The following GPR155 variants were observed in gnomAD, a reference collection of about 807,000 sequenced individuals.
The protein encoded by GPR155 is lysosomal cholesterol signaling protein.
A neutral mutation model predicts 93.1 loss-of-function variants in GPR155; 65 were observed. That is an observed-to-expected ratio of 0.70 (90% CI 0.57 to 0.86). GPR155 has a LOEUF of 0.86. Among genes scored for constraint, GPR155 ranks in the 40% least tolerant of loss-of-function variants. The pLI, the probability that GPR155 is intolerant of heterozygous loss-of-function variation, is 0.00. For missense variants in GPR155, 838 were observed against 1,034.8 expected (o/e 0.81, Z 2.61); for synonymous variants, 319 against 360.1 (o/e 0.89, Z 1.29).
In GPR155 at chr2:174,473,366, T is replaced by G. The variant is rs1032539910; in HGVS notation, c.461-2A>C. 2 of 1,549,304 alleles carry G rather than the reference T, an allele frequency of 1.3e-6. No individual in the cohort carries two copies. Among genetic ancestry groups the G allele is most frequent in the Non-Finnish European group, 1.7e-6 (2 of 1,142,894 alleles). On this transcript the variant is annotated splice_acceptor_variant, in intron 2 of 15. Transcript: ENST00000392552. LOFTEE classifies it high-confidence loss of function. ...ATGTAGTTTGATATAAAGCTTCAAC[T>G]GCAAAACAAGAATATTGATTTTTAA...
At chr2:174,471,842 A>G (rs1167522870) in intron 3 of GPR155, among the ~76,000 whole-genome samples, 1 of 152,228 alleles carries the variant, frequency 6.6e-6, no homozygotes, top group Non-Finnish European at 1.5e-5. Context: ...TTTAAACTAT[A>G]CTTATTACTT....
intron 1 of GPR155, among the ~76,000 whole-genome samples, chr2:174,482,379 A>G (rs1252708796): frequency 6.6e-6 from 1 of 152,182 alleles, no homozygotes; most frequent in Non-Finnish European, 1.5e-5. Context: ...TCGGGCACAC[A>G]TAGTCTCCGC....
At chr2:174,460,207 C>T (rs1275621399) in intron 9 of GPR155, 119 bp from the exon 10 acceptor site, 3 of 631,390 alleles carry the variant, frequency 4.8e-6, no homozygotes, top group African/African-American at 4.4e-5. Flanking sequence ...GTCGCCCAGG[C>T]TGGAGTGCAG....
chr2:174,445,730 T>C (rs970818134), intron 12 of GPR155, among the ~76,000 whole-genome samples: 2 of 152,150 alleles, frequency 1.3e-5, no homozygotes, highest in African/African-American at 4.8e-5. Flanking sequence ...AAATAGGACA[T>C]TTAGTAATCA....
intron 15 of GPR155, among the ~76,000 whole-genome samples, chr2:174,436,852 C>T (rs1409640169): frequency 6.6e-6 from 1 of 152,136 alleles, no homozygotes; most frequent in East Asian, 1.9e-4. Flanking sequence ...TTTCACTATT[C>T]AAATCAAACT....
intron 11 of GPR155, among the ~76,000 whole-genome samples, chr2:174,449,963 G>A (rs370749314): frequency 3.3e-5 from 5 of 151,954 alleles, no homozygotes; most frequent in Admixed American, 6.6e-5. Context: ...ACGACAGAGC[G>A]AGACTCCATC....
rs1422744084 is a variant in GPR155, at chr2:174,461,680, TAAG to T, written c.1385-11_1385-9del. 5 of 1,482,682 alleles carry T rather than the reference TAAG, an allele frequency of 3.4e-6. No individual in the cohort carries two copies. The highest frequency in any genetic ancestry group is 1.4e-5 in the African/African-American group (1 of 72,326). The allele number at this position is 1,482,682 out of a possible 1,614,324, so 91.8% of individuals were successfully genotyped here. A position where few individuals can be genotyped will look rare whatever the true frequency, so the allele number is the denominator to read the frequency against. ...AAGAAATTGCTAGAAGGCCTAAGAA[TAAG>T]AAGATTGAAAGAGAGACAGTTACTC... On this transcript the variant is annotated splice_polypyrimidine_tract_variant and intron_variant, in intron 7 of 15. Coordinates refer to ENST00000392552, the MANE Select transcript of GPR155 (RefSeq NM_152529.7).
chr2:174,475,824 G>A (rs888905689), intron 2 of GPR155, among the ~76,000 whole-genome samples: 5 of 151,966 alleles, frequency 3.3e-5, no homozygotes, highest in East Asian at 3.8e-4. Flanking sequence ...AGATATTTTC[G>A]AAAAGTCTTA....
chr2:174,445,010 TCCCCCGACCCCCTACCAATCAA>T, intron 13 of GPR155, 49 bp downstream of exon 13: 1 of 762,976 alleles, frequency 1.3e-6, no homozygotes, highest in Non-Finnish European at 2.3e-6. Flanking sequence ...ACTCCCCGCT[TCCCCCGACCCCCTACCAATCAA>T]CCTATCCAGG....
At position 174,436,407 on chromosome 2, in the gene GPR155, T is replaced by C. The variant is rs772588511; in HGVS notation, c.2322A>G (p.Ala774=). The stretch of plus-strand genomic sequence containing the variant: ...CACAGAAAGTTCCAGCAGAAGTCTT[T>C]GCACCACACCTGTGTCAAAGGAATG... ...RNIVKERRCG[A]KTSAGTFCGC... Residue 774 remains alanine (A), a synonymous_variant, in exon 16 of 16, where the codon GCA becomes GCG. Transcript: ENST00000392552. 11 of 1,614,020 alleles carry C rather than the reference T, an allele frequency of 6.8e-6. No homozygotes were observed. Among genetic ancestry groups the C allele is most frequent in the Non-Finnish European group, 9.3e-6 (11 of 1,179,942 alleles).
intron 10 of GPR155, among the ~76,000 whole-genome samples, chr2:174,455,341 C>G (rs556670401): frequency 6.6e-6 from 1 of 150,848 alleles, no homozygotes; most frequent in Non-Finnish European, 1.5e-5. Context: ...CTGGGTAGCT[C>G]AGGCAGCTGC....
intron 2 of GPR155, among the ~76,000 whole-genome samples, chr2:174,476,481 A>G (rs1688169900): frequency 1.3e-5 from 2 of 151,980 alleles, no homozygotes; most frequent in Non-Finnish European, 2.9e-5. Context: ...GCGCACTCCC[A>G]TAGTCCCAGC....
chr2:174,477,518 C>A (rs1574737979), intron 2 of GPR155, among the ~76,000 whole-genome samples: 1 of 152,118 alleles, frequency 6.6e-6, no homozygotes, highest in African/African-American at 2.4e-5. Context: ...AGAGGGAACA[C>A]ACAGAAAAAT....
At chr2:174,475,128 T>C (rs1481655405) in intron 2 of GPR155, among the ~76,000 whole-genome samples, 2 of 150,436 alleles carry the variant, frequency 1.3e-5, no homozygotes, top group Non-Finnish European at 3.0e-5. Context: ...ACCCCGTCTC[T>C]ACTAAAAATA....
At chr2:174,458,949 G>A (rs921583274) in intron 10 of GPR155, among the ~76,000 whole-genome samples, 63 of 152,032 alleles carry the variant, frequency 4.1e-4, no homozygotes, top group Admixed American at 3.4e-3. Flanking sequence ...TTAGCCAGGC[G>A]TGGTGGCGTG....
chr2:174,478,571 C>T (rs1005534005), intron 2 of GPR155, among the ~76,000 whole-genome samples: 1 of 152,166 alleles, frequency 6.6e-6, no homozygotes, highest in African/African-American at 2.4e-5. Flanking sequence ...AATAATACAT[C>T]ATTTTAATGT....
intron 12 of GPR155, among the ~76,000 whole-genome samples, chr2:174,446,221 C>T (rs1418153262): frequency 2.0e-5 from 3 of 148,240 alleles, no homozygotes; most frequent in Non-Finnish European, 4.4e-5. Flanking sequence ...GCAGGAGAAT[C>T]GCTTGAACCC....
At chr2:174,470,924 T>C (rs1255070576) in intron 3 of GPR155, among the ~76,000 whole-genome samples, 1 of 152,130 alleles carries the variant, frequency 6.6e-6, no homozygotes, top group African/African-American at 2.4e-5. Context: ...AGAAAGAAGG[T>C]TGACAATCTG....
chr2:174,484,336 G>C (rs559425651), intron 1 of GPR155, among the ~76,000 whole-genome samples: 80 of 152,292 alleles, frequency 5.3e-4, no homozygotes, highest in African/African-American at 1.9e-3. Context: ...TAAACATTTG[G>C]AGCCCTTAAG....
Sources: gnomAD v4.1 joint callset for allele counts (sites outside exome capture counted in the v4.1 genomes callset) on GRCh38, gnomAD v4.1.1 for gene constraint, MANE v1.5 for transcripts, NCBI Gene and HGNC (gene_info 2026-07-23, HGNC 2026-07-21) for gene names.